SLC2A9: variants seen among roughly 807,000 people sequenced by gnomAD.
The protein encoded by SLC2A9 is solute carrier family 2, facilitated glucose transporter member 9.
Under a neutral mutation model 50.6 loss-of-function variants are expected in SLC2A9, and 39 were observed. That is an observed-to-expected ratio of 0.77 (90% CI 0.60 to 1.01). SLC2A9 has a LOEUF of 1.01. Among genes scored for constraint, SLC2A9 ranks in the 50% least tolerant of loss-of-function variants. The pLI, the probability that SLC2A9 is intolerant of heterozygous loss-of-function variation, is 0.00. For synonymous variants in SLC2A9, 324 were observed against 276.9 expected (o/e 1.17, Z -1.69); for missense variants, 686 against 677.6 (o/e 1.01, Z -0.14).
intron 8 of SLC2A9, among the ~76,000 whole-genome samples, chr4:9,906,429 A>G (rs1192068374): frequency 6.6e-6 from 1 of 152,262 alleles, no homozygotes; most frequent in Non-Finnish European, 1.5e-5. Flanking sequence ...TTCTGCATAT[A>G]TGATACACTT....
intron 5 of SLC2A9, among the ~76,000 whole-genome samples, chr4:9,972,325 T>G (rs1484112892): frequency 6.6e-6 from 1 of 152,222 alleles, no homozygotes; most frequent in African/African-American, 2.4e-5. Flanking sequence ...AATTTTCATC[T>G]AAGTCTATTT....
intron 8 of SLC2A9, among the ~76,000 whole-genome samples, chr4:9,893,402 G>A (rs889120517): frequency 2.0e-5 from 3 of 152,090 alleles, no homozygotes; most frequent in Non-Finnish European, 2.9e-5. Flanking sequence ...ATTTGCAGGG[G>A]GAGGGCGGGG....
At position 9,802,247 on chromosome 4, in the gene SLC2A9, G is replaced by A. The variant is rs1448346791; in HGVS notation, n.421-3006C>T. Among the ~76,000 whole-genome samples the A allele has an allele frequency of 2.7e-5, 4 of 150,412 alleles. No individual in the cohort carries two copies. In the Admixed American group the frequency reaches 2.7e-4, roughly 10 times the overall value. ...CATTTACAGATTAAAGGGTTTGGGAGAAATGTTTCTGAAAAATGCTCTTTT... is the reference window on the plus strand; with the variant it reads ...CATTTACAGATTAAAGGGTTTGGGAAAAATGTTTCTGAAAAATGCTCTTTT... On this transcript the variant is annotated intron_variant and non_coding_transcript_variant, in intron 3 of 3. Transcript: ENST00000503280.
At chr4:9,959,568 G>A (rs1472547533) in intron 5 of SLC2A9, among the ~76,000 whole-genome samples, 3 of 152,092 alleles carry the variant, frequency 2.0e-5, no homozygotes, top group Non-Finnish European at 4.4e-5. Flanking sequence ...ATTGCCTCTG[G>A]AGAGCAGACA....
intron 10 of SLC2A9, among the ~76,000 whole-genome samples, chr4:9,873,318 G>A (rs1348857285): frequency 6.6e-6 from 1 of 152,240 alleles, no homozygotes; most frequent in African/African-American, 2.4e-5. Flanking sequence ...ATGGGGGTAA[G>A]TGAAGGAAAG....
chr4:9,995,080 C>T (rs1297223598), intron 3 of SLC2A9, among the ~76,000 whole-genome samples: 6 of 152,136 alleles, frequency 3.9e-5, no homozygotes, highest in Non-Finnish European at 8.8e-5. Flanking sequence ...ATCATGATTC[C>T]AGCCTAAGCT....
chr4:9,913,440 T>C (rs1313697047), intron 7 of SLC2A9, among the ~76,000 whole-genome samples: 4 of 151,114 alleles, frequency 2.6e-5, no homozygotes, highest in Non-Finnish European at 5.9e-5. Flanking sequence ...CACAGACAAA[T>C]GGTGATGTAT....
chr4:9,822,747 G>A (rs1452878104), downstream of SLC2A9, among the ~76,000 whole-genome samples: 3 of 152,106 alleles, frequency 2.0e-5, no homozygotes, highest in Admixed American at 6.6e-5. Context: ...TTTCCACTCT[G>A]TGTAATGCTT....
chr4:9,782,847 G>T (rs557030473), intron 3 of SLC2A9: 7 of 1,612,600 alleles, frequency 4.3e-6, no homozygotes, highest in Middle Eastern at 1.6e-4. Flanking sequence ...CAGAGCTGCC[G>T]GAGCAGCGCA....
chr4:9,909,892 A>T (rs1741382848), intron 7 of SLC2A9, among the ~76,000 whole-genome samples: 1 of 152,244 alleles, frequency 6.6e-6, no homozygotes, highest in South Asian at 2.1e-4. Context: ...ATAACCTGTC[A>T]GGTCCAACGT....
intron 3 of SLC2A9, among the ~76,000 whole-genome samples, chr4:9,786,017 T>C (rs189853738): frequency 1.3e-4 from 20 of 152,230 alleles, no homozygotes; most frequent in African/African-American, 4.3e-4. Flanking sequence ...GGAGAGTAAT[T>C]CAGGCGGAGG....
chr4:9,828,510 C>T (rs189277280), intron 11 of SLC2A9, among the ~76,000 whole-genome samples: 1 of 152,210 alleles, frequency 6.6e-6, no homozygotes, highest in South Asian at 2.1e-4. Context: ...AGGCCACCGA[C>T]CATGTGTCCC....
intron 6 of SLC2A9, 146 bp downstream of exon 6, chr4:9,941,767 G>C (rs1163455382): frequency 8.7e-7 from 1 of 1,144,496 alleles, no homozygotes; most frequent in East Asian, 2.7e-5. Context: ...GAAATGAGAA[G>C]GTACCCTATG....
rs568874040 is a variant in SLC2A9 at position 9,865,951 on chromosome 4, G to A, written c.1291+21616C>T. Among the ~76,000 whole-genome samples, 110 of 152,310 alleles carry A rather than the reference G, an allele frequency of 7.2e-4. 2 individuals carry two copies. The highest frequency in any genetic ancestry group is 1.2e-3 in the Non-Finnish European group (85 of 68,040). On this transcript the variant is annotated intron_variant, in intron 10 of 11. Coordinates refer to ENST00000264784, the MANE Select transcript of SLC2A9 (RefSeq NM_020041.3). ...ATTTCAAAGCATATGGCTCCCAGAC[G>A]CAAGGATGTGATACAGAGAAGTGAG... is the stretch of plus-strand genomic sequence containing the variant.
At chr4:9,822,294 T>C (rs2867393), downstream of SLC2A9, among the ~76,000 whole-genome samples, 12,334 of 152,228 alleles carry the variant, frequency 0.081, 1,037 homozygotes, top group East Asian at 0.25. Context: ...GGATTTCATA[T>C]ATTTTTATTC....
chr4:9,792,343 G>GT (rs58801443), intron 3 of SLC2A9, among the ~76,000 whole-genome samples: 2,984 of 131,150 alleles, frequency 0.023, 40 homozygotes, highest in South Asian at 0.043. Context: ...CACCTGGATA[G>GT]TTTTTTTTTT....
rs56970526 is a variant in SLC2A9, at chr4:9,857,933, A to C, written c.1292-22925T>G. Among the ~76,000 whole-genome samples the C allele has an allele frequency of 6.0e-3, 915 of 151,988 alleles. 32 individuals are homozygous for C. In the East Asian group the frequency reaches 0.1, roughly 17 times the overall value. ...CTTTACTGAACTCCTATTGGTTTCT[A>C]ATCTACACTGCCACGGTACCTAGGG... On this transcript the variant is annotated intron_variant, in intron 10 of 11. Transcript: ENST00000264784.
rs1384160031 is a variant in SLC2A9, at chr4:9,783,272, C to T, written n.386-3207G>A. On this transcript the variant is annotated intron_variant and non_coding_transcript_variant, in intron 3 of 3. Coordinates refer to the SLC2A9 transcript ENST00000503803. ...CGCAGCTGCCTACATCCACATGATG[C>T]CCAACGCCGTTACCCCCGGCAACCG... The T allele has an allele frequency of 1.9e-6, 3 of 1,614,212 alleles. No homozygotes were observed. In the Admixed American group the frequency reaches 5.0e-5, roughly 27 times the overall value.
At chr4:10,036,770 G>A (rs899109799) in intron 1 of SLC2A9, among the ~76,000 whole-genome samples, 1 of 152,178 alleles carries the variant, frequency 6.6e-6, no homozygotes, top group Non-Finnish European at 1.5e-5. Context: ...TCAAGAAATG[G>A]AATTATTGTA....
Sources: gnomAD v4.1 joint callset for allele counts (sites outside exome capture counted in the v4.1 genomes callset) on GRCh38, gnomAD v4.1.1 for gene constraint, MANE v1.5 for transcripts, NCBI Gene and HGNC (gene_info 2026-07-23, HGNC 2026-07-21) for gene names.